Variants in STAT5A observed in about 807,000 individuals in gnomAD.
STAT5A encodes the protein signal transducer and activator of transcription 5A.
In STAT5A, 26 loss-of-function variants were observed where a neutral mutation model predicts 100.2. That is an observed-to-expected ratio of 0.26 (90% CI 0.19 to 0.36). The LOEUF is 0.36. STAT5A is among the 10% of genes least tolerant of loss of function. The pLI is 1.00. For missense variants in STAT5A, 634 were observed against 1,027.5 expected (o/e 0.62, Z 5.24); for synonymous variants, 330 against 424.3 (o/e 0.78, Z 2.73).
Position 42,304,258 on chromosome 17 carries a change from C to T in STAT5A, c.1170-84C>T, listed in dbSNP as rs562983713. 1.4e-5 allele frequency: 19 copies of T among 1,373,158 alleles called. No individual in the cohort carries two copies. The East Asian group carries it at 1.4e-4, about 10-fold the overall frequency. 85.1% of individuals were successfully genotyped at this position (1,373,158 alleles called of 1,614,324 possible). A position where few individuals can be genotyped will look rare whatever the true frequency, so the allele number is the denominator to read the frequency against. ...GGGCTGCTGGCAGGGCTGACCTGAG[C>T]GAAGACCCCAGCCCGAGGTGTGGAC... On this transcript the variant is annotated intron_variant, in intron 9 of 18. Coordinates refer to ENST00000590949, the MANE Select transcript of STAT5A (RefSeq NM_001288718.2). The surrounding 1 kb of genome is among the most constrained non-coding windows in gnomAD (Gnocchi z 4.8).
In STAT5A at chr17:42,308,296, G is replaced by A; in HGVS notation, c.2025G>A (p.Lys675=). The change falls in exon 16 of 19, where the codon AAG becomes AAA. Residue 675 remains lysine, a synonymous_variant. Coordinates refer to ENST00000590949, the MANE Select transcript of STAT5A (RefSeq NM_001288718.2). The surrounding 1 kb of genome is among the most constrained non-coding windows in gnomAD (Gnocchi z 4.6). ...TCTATGTGTTTCCTGACCGCCCCAA[G>A]GATGAGGTCTTCTCCAAGTACTACA... is the stretch of plus-strand genomic sequence containing the variant. The part of the protein sequence containing the change: ...YLIYVFPDRP[K]DEVFSKYYTP... 1.2e-6 allele frequency: 2 copies of A among 1,614,232 alleles called. No individual in the cohort carries two copies. Among genetic ancestry groups the A allele is most frequent in the Non-Finnish European group, 8.5e-7 (1 of 1,180,044 alleles).
chr17:42,293,736 G>A (rs748200470), intron 4 of STAT5A, among the ~76,000 whole-genome samples: 23 of 152,346 alleles, frequency 1.5e-4, no homozygotes, highest in Middle Eastern at 3.4e-3. Context: ...GCAGGGGAGC[G>A]TCCTGTGGAC....
At chr17:42,297,306 G>C (rs1190037459) in intron 5 of STAT5A, among the ~76,000 whole-genome samples, 3 of 152,174 alleles carry the variant, frequency 2.0e-5, no homozygotes, top group Non-Finnish European at 4.4e-5. Flanking sequence ...CCTAGAAGAA[G>C]GGCAGCTCCT....
intron 3 of STAT5A, 145 bp downstream of exon 3, chr17:42,290,167 C>A (rs1351702262): frequency 8.4e-7 from 1 of 1,191,230 alleles, no homozygotes; most frequent in African/African-American, 1.6e-5. Context: ...TCCCCCACCC[C>A]CTCTTTCTAA....
chr17:42,304,575 G>A lies in STAT5A; in HGVS notation c.1303G>A (p.Val435Met). Residue 435 changes from valine to methionine, a missense_variant, in exon 11 of 19, where the codon GTG becomes ATG. Coordinates refer to ENST00000590949, the MANE Select transcript of STAT5A (RefSeq NM_001288718.2). This position sits in a 1 kb window ranked among gnomAD's most constrained non-coding sequence, Gnocchi z 4.8. ...TGCTGACCGGCGGGGTGCAGAGTCCGTGACAGAGGAGAAGTTCACAGTCCT... is the reference window on the plus strand; with the variant it reads ...TGCTGACCGGCGGGGTGCAGAGTCCATGACAGAGGAGAAGTTCACAGTCCT... ...KRADRRGAES[V>M]TEEKFTVLFE... The A allele has an allele frequency of 1.9e-6, 3 of 1,614,252 alleles. No individual in the cohort carries two copies. The highest frequency in any genetic ancestry group is 2.5e-6 in the Non-Finnish European group (3 of 1,180,054).
intron 3 of STAT5A, among the ~76,000 whole-genome samples, chr17:42,291,167 G>A (rs937313080): frequency 4.6e-5 from 7 of 152,184 alleles, no homozygotes; most frequent in Non-Finnish European, 8.8e-5. Context: ...TAGATCCCTC[G>A]CATGTGCAGT....
chr17:42,289,296 C>G lies in STAT5A; in HGVS notation c.-10-106C>G, dbSNP rs1598352436. ...AAGCTATCTGTGGGAGGGGAGGGGC[C>G]TGGCCTGGCCGCGGTCCAGGGATAG... On this transcript the variant is annotated intron_variant, in intron 1 of 18. Transcript: ENST00000590949. 5.3e-6 allele frequency: 7 copies of G among 1,323,822 alleles called. No homozygotes were observed. The East Asian group carries it at 2.0e-4, about 37-fold the overall frequency. The allele number at this position is 1,323,822 out of a possible 1,614,324, so 82.0% of individuals were successfully genotyped here.
At chr17:42,298,472 C>CTAT (rs2080941365) in intron 5 of STAT5A, among the ~76,000 whole-genome samples, 1 of 127,070 alleles carries the variant, frequency 7.9e-6, no homozygotes, top group Non-Finnish European at 1.7e-5. Context: ...ATGATGGATA[C>CTAT]TTTTTTTTTT....
In STAT5A at chr17:42,309,366, T is replaced by C. The variant is rs201680824; in HGVS notation, c.2115-11T>C. 6.2e-7 allele frequency: 1 copy of C among 1,612,138 alleles called. No individual in the cohort carries two copies. The highest frequency in any genetic ancestry group is 1.7e-5 in the Admixed American group (1 of 60,010). On this transcript the variant is annotated splice_polypyrimidine_tract_variant and intron_variant, in intron 17 of 18. Transcript: ENST00000590949. ...CCTGGTGGCTGAAGCTCTGTTCTCT[T>C]CCTTCTGCAGGTTTGTGAATGCATC...
chr17:42,292,369 C>T (rs570136280), intron 4 of STAT5A, among the ~76,000 whole-genome samples: 101 of 151,980 alleles, frequency 6.6e-4, no homozygotes, highest in Non-Finnish European at 1.2e-3. Context: ...TGCTCTGTCA[C>T]CCAGGCTGCA....
At chr17:42,307,298 G>T in intron 13 of STAT5A, 104 bp from the exon 14 acceptor site, 1 of 1,146,298 alleles carries the variant, frequency 8.7e-7, no homozygotes. Flanking sequence ...AAGCAGGGGT[G>T]AAGAACTGGG....
chr17:42,291,873 T>C (rs1188912914), intron 3 of STAT5A, 99 bp from the exon 4 acceptor site: 26 of 1,308,170 alleles, frequency 2.0e-5, no homozygotes, highest in Non-Finnish European at 2.7e-5. Flanking sequence ...TGGGAAAAGC[T>C]GAGGCAGAGG....
At chr17:42,287,613 T>A (rs2080825926), upstream of STAT5A, 1 of 152,268 alleles carries the variant, frequency 6.6e-6, no homozygotes, top group Admixed American at 6.5e-5. Flanking sequence ...CTCAAGACGG[T>A]CCCTCCCTGG....
intron 4 of STAT5A, among the ~76,000 whole-genome samples, chr17:42,294,008 AG>A (rs1429590654): frequency 6.6e-6 from 1 of 152,158 alleles, no homozygotes; most frequent in Non-Finnish European, 1.5e-5. Context: ...TGACGTCAGA[AG>A]TTCGAGACCA....
chr17:42,294,345 C>G (rs1158283263), intron 4 of STAT5A, among the ~76,000 whole-genome samples: 1 of 152,148 alleles, frequency 6.6e-6, no homozygotes, highest in Admixed American at 6.5e-5. Context: ...ATTGACAAAT[C>G]CATGTCCATG....
intron 11 of STAT5A, 70 bp from the exon 12 acceptor site, chr17:42,305,540 G>T: frequency 1.6e-6 from 2 of 1,243,954 alleles, no homozygotes; most frequent in Non-Finnish European, 2.3e-6. Flanking sequence ...AAGCAGATTG[G>T]GCATGTTGCC....
chr17:42,295,928 C>T (rs1166455739), intron 5 of STAT5A, 135 bp downstream of exon 5: 29 of 1,306,674 alleles, frequency 2.2e-5, no homozygotes, highest in Admixed American at 6.0e-5. Context: ...CAATGGCTCC[C>T]GGTGATTGAG....
intron 8 of STAT5A, 91 bp from the exon 9 acceptor site, chr17:42,301,184 G>A (rs1008417654): frequency 2.6e-6 from 4 of 1,552,798 alleles, no homozygotes; most frequent in South Asian, 1.2e-5. Context: ...GAGCCCCATG[G>A]GAGGCAGCCC....
At chr17:42,302,488 G>A (rs1227642727) in intron 9 of STAT5A, among the ~76,000 whole-genome samples, 1 of 145,638 alleles carries the variant, frequency 6.9e-6, no homozygotes, top group Non-Finnish European at 1.5e-5. Flanking sequence ...GCCACATCCT[G>A]AGGGAAGAGT....
Sources: allele counts gnomAD v4.1 joint callset (sites outside exome capture counted in the v4.1 genomes callset), GRCh38; gene constraint gnomAD v4.1.1; non-coding constraint Gnocchi (gnomAD v3.1); transcripts MANE v1.5; gene names NCBI Gene and HGNC (gene_info 2026-07-23, HGNC 2026-07-21).